The following SLC41A2 variants were observed in gnomAD, a reference collection of about 807,000 sequenced individuals.
SLC41A2 encodes SLC41A1-like 1.
Under a neutral mutation model 58.3 loss-of-function variants are expected in SLC41A2, and 32 were observed. The observed-to-expected ratio is 0.55, with a 90% CI of 0.41 to 0.74. The LOEUF (loss-of-function observed/expected upper bound fraction) is 0.74, where lower values mean the gene tolerates loss of function less well. Among genes scored for constraint, SLC41A2 ranks in the 30% least tolerant of loss-of-function variants. SLC41A2 has a pLI of 0.00. For missense variants in SLC41A2, 514 were observed against 680.6 expected (o/e 0.76, Z 2.72); for synonymous variants, 190 against 235.0 (o/e 0.81, Z 1.75).
At chr12:104,901,596 C>A (rs979288411) in intron 3 of SLC41A2, among the ~76,000 whole-genome samples, 66 of 151,966 alleles carry the variant, frequency 4.3e-4, no homozygotes, top group African/African-American at 1.4e-3. Flanking sequence ...GTTGCCCAGG[C>A]TGGAGTGCAG....
chr12:104,935,735 T>C (rs114237039), intron 1 of SLC41A2, among the ~76,000 whole-genome samples: 3,614 of 152,220 alleles, frequency 0.024, 158 homozygotes, highest in African/African-American at 0.082. Flanking sequence ...AAGATTACAA[T>C]GGAGCTCAAA....
At chr12:104,815,471 T>C (rs2136219162) in intron 10 of SLC41A2, among the ~76,000 whole-genome samples, 1 of 152,302 alleles carries the variant, frequency 6.6e-6, no homozygotes, top group East Asian at 1.9e-4. Flanking sequence ...AAAATATATA[T>C]ATTTGCTTTG....
intron 1 of SLC41A2, among the ~76,000 whole-genome samples, chr12:104,947,194 CCTTTTTTTTTTTTTTT>C (rs1445927299): frequency 5.6e-5 from 3 of 53,668 alleles, no homozygotes; most frequent in African/African-American, 1.5e-4. Flanking sequence ...TTATTTTTGT[CCTTTTTTTTTTTTTTT>C]TTTTTTTTTT....
intron 8 of SLC41A2, chr12:104,851,931 T>C (rs897585658): frequency 5.9e-5 from 9 of 152,076 alleles, no homozygotes; most frequent in Non-Finnish European, 1.3e-4. Flanking sequence ...AATAAAAAAA[T>C]AAACAAACAA....
At chr12:104,809,854 G>C (rs1399846795) in intron 10 of SLC41A2, among the ~76,000 whole-genome samples, 2 of 152,130 alleles carry the variant, frequency 1.3e-5, no homozygotes, top group African/African-American at 4.8e-5. Flanking sequence ...GAGAGAAAGA[G>C]AGTCATCCCA....
intron 10 of SLC41A2, among the ~76,000 whole-genome samples, chr12:104,822,894 C>T (rs1312883879): frequency 6.6e-6 from 1 of 151,860 alleles, no homozygotes; most frequent in Non-Finnish European, 1.5e-5. Context: ...AAGAAGAAAA[C>T]TCACTATATT....
chr12:104,828,111 A>G (rs1565820480), intron 10 of SLC41A2, among the ~76,000 whole-genome samples: 1 of 152,170 alleles, frequency 6.6e-6, no homozygotes, highest in Non-Finnish European at 1.5e-5. Flanking sequence ...CACACAAGCA[A>G]CTGGACGTCA....
At chr12:104,844,261 C>G (rs1415964841) in intron 10 of SLC41A2, among the ~76,000 whole-genome samples, 3 of 152,052 alleles carry the variant, frequency 2.0e-5, no homozygotes, top group Non-Finnish European at 4.4e-5. Context: ...TTATCTGACT[C>G]TATAATAAAC....
At chr12:104,874,360 C>A (rs1234001809) in intron 6 of SLC41A2, among the ~76,000 whole-genome samples, 2 of 152,156 alleles carry the variant, frequency 1.3e-5, no homozygotes, top group Non-Finnish European at 2.9e-5. Context: ...AGGCGTGAGC[C>A]ATCACGCCCA....
intron 8 of SLC41A2, among the ~76,000 whole-genome samples, chr12:104,847,877 T>C (rs1481524400): frequency 6.6e-6 from 1 of 152,208 alleles, no homozygotes; most frequent in Non-Finnish European, 1.5e-5. Context: ...TTGTTATGTA[T>C]TGTTTCACCT....
intron 3 of SLC41A2, among the ~76,000 whole-genome samples, chr12:104,904,218 C>T (rs17036496): frequency 0.015 from 2,261 of 152,298 alleles, 69 homozygotes; most frequent in African/African-American, 0.051. Flanking sequence ...CTAGCCAAAA[C>T]TTCACTTTTC....
At chr12:104,904,700 G>A (rs1047625729) in intron 3 of SLC41A2, among the ~76,000 whole-genome samples, 2 of 143,688 alleles carry the variant, frequency 1.4e-5, no homozygotes, top group South Asian at 2.2e-4. Flanking sequence ...GCTGGCTCAG[G>A]AGTGAAGCTG....
intron 10 of SLC41A2, among the ~76,000 whole-genome samples, chr12:104,832,142 T>C (rs951628686): frequency 6.6e-6 from 1 of 152,168 alleles, no homozygotes; most frequent in African/African-American, 2.4e-5. Flanking sequence ...AATTGACTAT[T>C]AACCCAAGAT....
At chr12:104,883,328 CGTCAAA>C (rs2044482326) in intron 6 of SLC41A2, among the ~76,000 whole-genome samples, 1 of 152,158 alleles carries the variant, frequency 6.6e-6, no homozygotes, top group Non-Finnish European at 1.5e-5. Flanking sequence ...TTAGTCAACT[CGTCAAA>C]GTCATTCTCC....
chr12:104,842,292 C>A (rs1035934096), intron 10 of SLC41A2, among the ~76,000 whole-genome samples: 1 of 152,010 alleles, frequency 6.6e-6, no homozygotes, highest in Non-Finnish European at 1.5e-5. Flanking sequence ...GAATTTACAA[C>A]CTATCCTAAG....
intron 2 of SLC41A2, among the ~76,000 whole-genome samples, chr12:104,914,674 G>A (rs960705610): frequency 6.6e-6 from 1 of 152,162 alleles, no homozygotes; most frequent in African/African-American, 2.4e-5. Flanking sequence ...GTATGCACAG[G>A]GGTCAACAGC....
chr12:104,953,312 A>G (rs1345832003), intron 1 of SLC41A2, among the ~76,000 whole-genome samples: 2 of 152,248 alleles, frequency 1.3e-5, no homozygotes, highest in East Asian at 1.9e-4. Context: ...TTTATTTCCC[A>G]TAACATACTT....
At chr12:104,862,968 T>TA (rs60628747) in intron 7 of SLC41A2, among the ~76,000 whole-genome samples, 5,816 of 152,318 alleles carry the variant, frequency 0.038, 156 homozygotes, top group East Asian at 0.11. Context: ...TGTTGTACAA[T>TA]AAATCTCTTG....
intron 2 of SLC41A2, among the ~76,000 whole-genome samples, chr12:104,923,686 A>T (rs2046710041): frequency 6.6e-6 from 1 of 152,184 alleles, no homozygotes. Context: ...GACTATTATG[A>T]ACAACTATAC....
Sources: allele counts gnomAD v4.1 joint callset (sites outside exome capture counted in the v4.1 genomes callset), GRCh38; gene constraint gnomAD v4.1.1; transcripts MANE v1.5; gene names NCBI Gene and HGNC (gene_info 2026-07-23, HGNC 2026-07-21).